VIRMA: variants seen among roughly 807,000 people sequenced by gnomAD.
VIRMA encodes vir like m6A methyltransferase associated, also known as protein virilizer homolog.
A neutral mutation model predicts 182.4 loss-of-function variants in VIRMA; 65 were observed. That is an observed-to-expected ratio of 0.36 (90% CI 0.29 to 0.44). VIRMA has a LOEUF of 0.44. VIRMA is among the 20% of genes least tolerant of loss of function. The probability of loss-of-function intolerance (pLI) is 1.00; values close to 1 mark genes in which losing one functional copy is unlikely to be tolerated. For missense variants in VIRMA, 1,752 were observed against 2,158.1 expected (o/e 0.81, Z 3.73); for synonymous variants, 709 against 743.1 (o/e 0.95, Z 0.75).
chr8:94,509,222 G>C (rs1814267828), intron 15 of VIRMA, among the ~76,000 whole-genome samples: 1 of 152,124 alleles, frequency 6.6e-6, no homozygotes, highest in Admixed American at 6.6e-5. Flanking sequence ...CCAACACGGT[G>C]AAACCCTGTC....
chr8:94,549,950 A>G (rs1478781928), intron 1 of VIRMA, among the ~76,000 whole-genome samples: 1 of 152,080 alleles, frequency 6.6e-6, no homozygotes, highest in Non-Finnish European at 1.5e-5. Context: ...TATGAAAATC[A>G]GCCAGGCGTG....
At chr8:94,538,125 C>T in intron 3 of VIRMA, 135 bp downstream of exon 3, 6 of 646,660 alleles carry the variant, frequency 9.3e-6, no homozygotes, top group Admixed American at 6.1e-5. Context: ...TCTTTAATAC[C>T]ACCATGACAC....
At chr8:94,510,329 C>T in intron 14 of VIRMA, 88 bp downstream of exon 14, 1 of 1,005,616 alleles carries the variant, frequency 9.9e-7, no homozygotes, top group South Asian at 1.5e-5. Context: ...TCTGGGCATT[C>T]CAAACCCTAG....
chr8:94,506,469 T>C (rs2130293493), intron 16 of VIRMA, 31 bp downstream of exon 16: 3 of 1,398,700 alleles, frequency 2.1e-6, no homozygotes, highest in Middle Eastern at 1.8e-4. Flanking sequence ...AAATTAAATC[T>C]GAGAGTATAT....
Position 94,495,028 on chromosome 8 carries a change from C to T in VIRMA, c.4545-72G>A, listed in dbSNP as rs1276142604. On this transcript the variant is annotated intron_variant, in intron 19 of 23. Coordinates refer to ENST00000297591, the MANE Select transcript of VIRMA (RefSeq NM_015496.5). Reference sequence around the variant, plus strand: ...ATTTCAATTTTTTTTTTTTGAGACACAGTCTTGCTGTTACCCAGCTGGAGC... The same window carrying T: ...ATTTCAATTTTTTTTTTTTGAGACATAGTCTTGCTGTTACCCAGCTGGAGC... The T allele has an allele frequency of 4.9e-6, 5 of 1,025,084 alleles. No individual in the cohort carries two copies. The Admixed American group carries it at 7.0e-5, about 14-fold the overall frequency. The allele number at this position is 1,025,084 out of a possible 1,614,324, so 63.5% of individuals were successfully genotyped here. A position where few individuals can be genotyped will look rare whatever the true frequency, so the allele number is the denominator to read the frequency against.
intron 20 of VIRMA, among the ~76,000 whole-genome samples, chr8:94,494,551 C>G (rs1813704355): frequency 7.8e-6 from 1 of 127,874 alleles, no homozygotes; most frequent in South Asian, 2.6e-4. Flanking sequence ...GAGATTGTGC[C>G]ACTGCACTCC....
intron 9 of VIRMA, 41 bp from the exon 10 acceptor site, chr8:94,517,983 A>T: frequency 6.6e-7 from 1 of 1,523,664 alleles, no homozygotes; most frequent in Non-Finnish European, 9.0e-7. Flanking sequence ...ATACAAAAAC[A>T]ATTTTTTAGG....
intron 5 of VIRMA, chr8:94,533,582 AG>A (rs1424248829): frequency 6.7e-6 from 1 of 148,850 alleles, no homozygotes; most frequent in Non-Finnish European, 1.5e-5. Flanking sequence ...GCTGGACCAC[AG>A]GCACATGCCA....
Position 94,499,450 on chromosome 8 carries a change from G to T in VIRMA, c.4154C>A (p.Thr1385Lys), listed in dbSNP as rs1234210461. Residue 1385 changes from threonine to lysine, a missense_variant, in exon 17 of 24, where the codon ACA becomes AAA. Transcript: ENST00000297591. ...LHSLLKRVVS[T>K]FSKDTGELAS... Reference sequence around the variant, plus strand: ...AAGCTCTCCTGTGTCCTTACTAAATGTGCTGACCACTCGTTTCAGTAAACT... The same window carrying T: ...AAGCTCTCCTGTGTCCTTACTAAATTTGCTGACCACTCGTTTCAGTAAACT... 1.2e-6 allele frequency: 2 copies of T among 1,611,012 alleles called. No individual in the cohort carries two copies. The highest frequency in any genetic ancestry group is 2.2e-5 in the South Asian group (2 of 90,892).
At position 94,513,722 on chromosome 8, in the gene VIRMA, T is replaced by A. The variant is rs115415462; in HGVS notation, c.2751+1147A>T. 6.5e-3 allele frequency among the ~76,000 whole-genome samples: 988 copies of A among 152,324 alleles called. 18 individuals carry two copies. Among genetic ancestry groups the A allele is most frequent in the African/African-American group, 0.023 (941 of 41,578 alleles). On this transcript the variant is annotated intron_variant, in intron 11 of 23. Coordinates refer to ENST00000297591, the MANE Select transcript of VIRMA (RefSeq NM_015496.5). ...TCAAACCATCGCCATTTATTGAACA[T>A]CTTGTTAATACTCACTCAACCATGC... is the stretch of plus-strand genomic sequence containing the variant.
intron 2 of VIRMA, among the ~76,000 whole-genome samples, chr8:94,541,459 G>GA (rs1014249199): frequency 7.2e-5 from 11 of 152,044 alleles, no homozygotes; most frequent in African/African-American, 2.7e-4. Context: ...TTTATAATGA[G>GA]AAAAAACACT....
chr8:94,506,474 G>A (rs1814157630), intron 16 of VIRMA, 26 bp downstream of exon 16: 1 of 1,410,308 alleles, frequency 7.1e-7, no homozygotes, highest in African/African-American at 1.4e-5. Flanking sequence ...AAATCTGAGA[G>A]TATATTAAAT....
At chr8:94,536,341 T>C (rs1251435540) in intron 4 of VIRMA, among the ~76,000 whole-genome samples, 1 of 152,162 alleles carries the variant, frequency 6.6e-6, no homozygotes, top group Non-Finnish European at 1.5e-5. Flanking sequence ...GCAAGCTGAG[T>C]AGTCCCATAC....
At chr8:94,510,708 C>T (rs533615263) in intron 13 of VIRMA, 56 bp from the exon 14 acceptor site, 1 of 1,267,128 alleles carries the variant, frequency 7.9e-7, no homozygotes, top group East Asian at 2.5e-5. Flanking sequence ...TATTTATAGT[C>T]ACAAAAACTG....
At chr8:94,537,813 G>A (rs1391136516) in intron 3 of VIRMA, among the ~76,000 whole-genome samples, 3 of 151,842 alleles carry the variant, frequency 2.0e-5, no homozygotes, top group Middle Eastern at 3.2e-3. Flanking sequence ...TACCTAGCAT[G>A]TACTAAATAA....
intron 22 of VIRMA, among the ~76,000 whole-genome samples, chr8:94,490,803 C>T (rs182772760): frequency 2.0e-5 from 3 of 151,864 alleles, no homozygotes; most frequent in South Asian, 2.1e-4. Context: ...GCCGAGATTG[C>T]GCCATTGCAC....
At position 94,526,994 on chromosome 8, in the gene VIRMA, T is replaced by C. The variant is rs375185089; in HGVS notation, c.1250A>G (p.Tyr417Cys). ...TTGTTTTGTGTTTTTCAATTGCAAA[T>C]AGCTTAACCCTTTTATTATTAAACT... ...IPSLIIKGLSYLQLKNTKQDS... is the reference protein window; with the variant it reads ...IPSLIIKGLSCLQLKNTKQDS... Residue 417 changes from tyrosine to cysteine, a missense_variant, in exon 8 of 24, where the codon TAT becomes TGT. Physicochemically the swap from Tyr to Cys is radical, Grantham distance 194 (BLOSUM62 -2). Coordinates refer to ENST00000297591, the MANE Select transcript of VIRMA (RefSeq NM_015496.5). The C allele has an allele frequency of 6.2e-7, 1 of 1,614,206 alleles. No homozygotes were observed. Among genetic ancestry groups the C allele is most frequent in the Non-Finnish European group, 8.5e-7 (1 of 1,180,012 alleles).
At chr8:94,521,291 T>G (rs768640789) in intron 8 of VIRMA, among the ~76,000 whole-genome samples, 3 of 152,112 alleles carry the variant, frequency 2.0e-5, no homozygotes, top group Non-Finnish European at 2.9e-5. Flanking sequence ...CACTTGTAAG[T>G]GAGAACATGC....
At chr8:94,539,859 T>C (rs1815479668) in intron 2 of VIRMA, among the ~76,000 whole-genome samples, 1 of 152,176 alleles carries the variant, frequency 6.6e-6, no homozygotes. Context: ...ACTGTGACAG[T>C]AGGCTTGTTA....
Sources: gnomAD v4.1 joint callset for allele counts (sites outside exome capture counted in the v4.1 genomes callset) on GRCh38, gnomAD v4.1.1 for gene constraint, MANE v1.5 for transcripts, NCBI Gene and HGNC (gene_info 2026-07-23, HGNC 2026-07-21) for gene names.